Variants in GULP1 observed in about 807,000 individuals in gnomAD.
GULP1 encodes the protein GULP PTB domain containing engulfment adaptor 1, also known as PTB domain-containing engulfment adapter protein 1.
GULP1 carries 19 observed loss-of-function variants against 40.9 expected under a neutral mutation model. That is an observed-to-expected ratio of 0.46 (90% CI 0.32 to 0.68). The LOEUF is 0.68. Among genes scored for constraint, GULP1 ranks in the 30% least tolerant of loss-of-function variants. The pLI is 0.03. For synonymous variants in GULP1, 119 were observed against 117.6 expected, an observed-to-expected ratio of 1.01 and a Z score of -0.08; for missense variants, 312 against 362.2, an observed-to-expected ratio of 0.86 and a Z score of 1.12.
intron 4 of GULP1, among the ~76,000 whole-genome samples, chr2:188,516,009 T>C (rs945284630): frequency 6.6e-6 from 1 of 152,190 alleles, no homozygotes; most frequent in African/African-American, 2.4e-5. Flanking sequence ...CCTCACTCAC[T>C]GAAGCAACTG....
At chr2:188,514,787 C>T (rs892243298) in intron 4 of GULP1, among the ~76,000 whole-genome samples, 1 of 152,140 alleles carries the variant, frequency 6.6e-6, no homozygotes, top group African/African-American at 2.4e-5. Context: ...ATGCCTCTTT[C>T]AGGTAAATAG....
At chr2:188,547,471 C>T (rs1246598504) in intron 7 of GULP1, among the ~76,000 whole-genome samples, 5 of 152,080 alleles carry the variant, frequency 3.3e-5, no homozygotes, top group African/African-American at 1.2e-4. Context: ...AGTCCCAAAG[C>T]TGAAAAACTT....
chr2:188,539,968 C>T (rs1690014756), intron 6 of GULP1, among the ~76,000 whole-genome samples: 1 of 152,108 alleles, frequency 6.6e-6, no homozygotes, highest in Non-Finnish European at 1.5e-5. Flanking sequence ...ATTTGTGCTA[C>T]ACGTTGTCTG....
chr2:188,399,618 C>G (rs56106826), intron 2 of GULP1, among the ~76,000 whole-genome samples: 1 of 136,522 alleles, frequency 7.3e-6, no homozygotes, highest in Non-Finnish European at 1.5e-5. Context: ...CTTTTGGAGT[C>G]TGAGATGGGA....
intron 11 of GULP1, chr2:188,592,731 G>A (rs1703818486): frequency 6.6e-6 from 1 of 151,846 alleles, no homozygotes; most frequent in South Asian, 2.1e-4. Context: ...TGTTTACATT[G>A]GATTTATAGA....
At chr2:188,502,641 A>G (rs1033609870) in intron 4 of GULP1, among the ~76,000 whole-genome samples, 13 of 152,032 alleles carry the variant, frequency 8.6e-5, no homozygotes, top group African/African-American at 2.9e-4. Context: ...GTAGGTGACT[A>G]ATATATGTTA....
chr2:188,520,201 T>C (rs2065595996), intron 4 of GULP1, among the ~76,000 whole-genome samples: 1 of 152,090 alleles, frequency 6.6e-6, no homozygotes, highest in African/African-American at 2.4e-5. Context: ...TCATATCTTA[T>C]CTAGGGCCTC....
chr2:188,349,047 C>T (rs901177598), intron 1 of GULP1, among the ~76,000 whole-genome samples: 6 of 152,112 alleles, frequency 3.9e-5, no homozygotes, highest in South Asian at 2.1e-4. Flanking sequence ...CAGATTAACC[C>T]GGAATGCATT....
At position 188,587,934 on chromosome 2, in the gene GULP1, A is replaced by C; in HGVS notation, c.828A>C (p.Lys276Asn). 6.4e-7 allele frequency: 1 copy of C among 1,558,588 alleles called. No individual in the cohort carries two copies. Residue 276 changes from lysine (K) to asparagine (N), a missense_variant, in exon 11 of 12, where the codon AAA becomes AAC. Lys to Asn is a moderately conservative substitution (Grantham distance 94). Coordinates refer to ENST00000409830, the MANE Select transcript of GULP1 (RefSeq NM_016315.4). The stretch of plus-strand genomic sequence containing the variant: ...ATTTCCCTCCAGATATTCAATCAAA[A>C]TTAGATGAGATGCAGGTGACTATTT... ...AADFPPDIQS[K>N]LDEMQEGFKM... is the part of the protein sequence containing the mutation.
intron 6 of GULP1, among the ~76,000 whole-genome samples, chr2:188,539,123 A>G (rs1689752435): frequency 6.6e-6 from 1 of 152,002 alleles, no homozygotes; most frequent in Admixed American, 6.6e-5. Flanking sequence ...CCTCCAAATG[A>G]AGATTATAGA....
chr2:188,388,366 CAA>C (rs61586502), intron 2 of GULP1, among the ~76,000 whole-genome samples: 5 of 126,478 alleles, frequency 4.0e-5, no homozygotes, highest in South Asian at 5.3e-4. Context: ...CCATCTCTAC[CAA>C]AAAAAAAAAA....
rs935609764 is a variant in GULP1 at position 188,430,029 on chromosome 2, A to G, written c.-45+46140A>G. Among the ~76,000 whole-genome samples the G allele has an allele frequency of 2.0e-5, 3 of 152,134 alleles. No homozygotes were observed. In the South Asian group the frequency reaches 6.2e-4, roughly 31 times the overall value. On this transcript the variant is annotated intron_variant, in intron 2 of 11. Coordinates refer to ENST00000409830, the MANE Select transcript of GULP1 (RefSeq NM_016315.4). Reference sequence around the variant, plus strand: ...GTGGAAGCTGTAAAAAAATTTTACAACCTTACAGTGGTTAATTTTTATAAT... The same window carrying G: ...GTGGAAGCTGTAAAAAAATTTTACAGCCTTACAGTGGTTAATTTTTATAAT...
chr2:188,350,526 A>G (rs1000678717), intron 1 of GULP1, among the ~76,000 whole-genome samples: 2 of 151,992 alleles, frequency 1.3e-5, no homozygotes, highest in African/African-American at 2.4e-5. Context: ...TGATTTTTAT[A>G]TATACATTTT....
intron 2 of GULP1, among the ~76,000 whole-genome samples, chr2:188,457,487 G>T (rs1575386870): frequency 6.6e-6 from 1 of 152,138 alleles, no homozygotes; most frequent in African/African-American, 2.4e-5. Flanking sequence ...ACTTGCTCCT[G>T]TTGCCATGAT....
At chr2:188,570,168 C>T in intron 9 of GULP1, 48 bp downstream of exon 9, 1 of 780,524 alleles carries the variant, frequency 1.3e-6, no homozygotes, top group Non-Finnish European at 2.2e-6. Flanking sequence ...GGTGATAAAA[C>T]ATCTGTGTAT....
At chr2:188,556,609 TGTC>T (rs1694825013) in intron 7 of GULP1, among the ~76,000 whole-genome samples, 1 of 152,168 alleles carries the variant, frequency 6.6e-6, no homozygotes, top group African/African-American at 2.4e-5. Flanking sequence ...TCTTTCAAGG[TGTC>T]ATATTTGTTT....
intron 4 of GULP1, among the ~76,000 whole-genome samples, chr2:188,498,936 T>A (rs1374207293): frequency 6.6e-6 from 1 of 151,394 alleles, no homozygotes; most frequent in Non-Finnish European, 1.5e-5. Context: ...GAGTTTGCAG[T>A]GGGAATTTCA....
At chr2:188,449,969 G>A (rs923903797) in intron 2 of GULP1, among the ~76,000 whole-genome samples, 2 of 152,016 alleles carry the variant, frequency 1.3e-5, no homozygotes, top group Admixed American at 1.3e-4. Context: ...TTCTCTTTCA[G>A]TAGTACACAT....
chr2:188,317,100 A>G (rs2039202780), intron 1 of GULP1, among the ~76,000 whole-genome samples: 1 of 152,248 alleles, frequency 6.6e-6, no homozygotes, highest in South Asian at 2.1e-4. Flanking sequence ...TATCTCATAG[A>G]CATTAGCAGA....
Sources: allele counts gnomAD v4.1 joint callset (sites outside exome capture counted in the v4.1 genomes callset), GRCh38; gene constraint gnomAD v4.1.1; transcripts MANE v1.5; gene names NCBI Gene and HGNC (gene_info 2026-07-23, HGNC 2026-07-21).